The following HABP2 variants were observed in gnomAD, a reference collection of about 807,000 sequenced individuals.
HABP2 encodes the protein factor VII-activating protease.
In HABP2, 65 loss-of-function variants were observed where a neutral mutation model predicts 66.5. The observed-to-expected ratio is 0.98, with a 90% confidence interval of 0.80 to 1.20. The LOEUF is 1.20. Among genes scored for constraint, HABP2 ranks in the 50% most tolerant of loss-of-function variants. The pLI is 0.00. For missense variants in HABP2, 786 were observed against 691.0 expected, an observed-to-expected ratio of 1.14 and a Z score of -1.54; for synonymous variants, 263 against 253.9, an observed-to-expected ratio of 1.04 and a Z score of -0.34.
At chr10:113,571,311 G>A (rs1471339201) in intron 2 of HABP2, among the ~76,000 whole-genome samples, 2 of 152,180 alleles carry the variant, frequency 1.3e-5, no homozygotes, top group South Asian at 2.1e-4. Flanking sequence ...TATGTCTGAG[G>A]CCTCAGCTAG....
In HABP2 at chr10:113,553,138, C is replaced by G. The variant is rs1229064532; in HGVS notation, c.17C>G (p.Ser6Cys). ...ACTGCAAAGATGTTTGCCAGGATGT[C>G]TGATCTCCATGTTCTGCTGTTAATG... MFARM[S>C]DLHVLLLMAL... The change falls in exon 1 of 13, where the codon TCT (serine) becomes TGT (cysteine). Residue 6 changes from serine to cysteine, a missense_variant. Coordinates refer to ENST00000351270, the MANE Select transcript of HABP2 (RefSeq NM_004132.5). 1.2e-6 allele frequency: 2 copies of G among 1,613,400 alleles called. No individual in the cohort carries two copies. Among genetic ancestry groups the G allele is most frequent in the Non-Finnish European group, 1.7e-6 (2 of 1,179,444 alleles).
chr10:113,577,580 A>C (rs976525304), intron 5 of HABP2, among the ~76,000 whole-genome samples: 1 of 152,214 alleles, frequency 6.6e-6, no homozygotes, highest in Non-Finnish European at 1.5e-5. Flanking sequence ...TGAGGCAGGC[A>C]TTGTCTCAGG....
chr10:113,577,753 T>C (rs902004134), intron 5 of HABP2, among the ~76,000 whole-genome samples: 2 of 152,208 alleles, frequency 1.3e-5, no homozygotes, highest in Non-Finnish European at 2.9e-5. Flanking sequence ...TCCTGCTCCG[T>C]CCATGCTTCT....
At chr10:113,585,558 G>C (rs1845617733) in intron 11 of HABP2, among the ~76,000 whole-genome samples, 2 of 152,264 alleles carry the variant, frequency 1.3e-5, no homozygotes, top group Middle Eastern at 3.4e-3. Context: ...CCTACCTGGG[G>C]AAAGAGAGGA....
chr10:113,560,781 T>C (rs1845085877), intron 1 of HABP2, among the ~76,000 whole-genome samples: 2 of 152,192 alleles, frequency 1.3e-5, no homozygotes, highest in South Asian at 4.1e-4. Context: ...GGACAAATAT[T>C]GTAGGATTCC....
intron 1 of HABP2, among the ~76,000 whole-genome samples, chr10:113,554,935 T>C (rs960647869): frequency 1.3e-5 from 2 of 152,210 alleles, no homozygotes; most frequent in Admixed American, 1.3e-4. Flanking sequence ...TTACCCCAGA[T>C]GTGTGCCAGA....
rs578222032 is a variant in HABP2, at chr10:113,560,228, C to T, written c.69+7038C>T. Among the ~76,000 whole-genome samples, 9 of 152,358 alleles carry T rather than the reference C, an allele frequency of 5.9e-5. No homozygotes were observed. The South Asian group carries it at 1.2e-3, about 21-fold the overall frequency. ...TGCAGTGAACCTGCCAGTCTTGAGA[C>T]GGCATTGAGCAATGTGTGCAAAAGC... On this transcript the variant is annotated intron_variant, in intron 1 of 12. Transcript: ENST00000351270.
intron 7 of HABP2, 22 bp downstream of exon 7, chr10:113,578,820 C>T (rs373779606): frequency 4.2e-5 from 65 of 1,538,498 alleles, no homozygotes; most frequent in Non-Finnish European, 5.7e-5. Context: ...CTTATTTATG[C>T]TCAGTTGATT....
chr10:113,573,677 C>T (rs1041471418), intron 2 of HABP2, among the ~76,000 whole-genome samples: 1 of 152,198 alleles, frequency 6.6e-6, no homozygotes, highest in East Asian at 1.9e-4. Flanking sequence ...TTAGATGGTG[C>T]ATGTAAAGTG....
intron 1 of HABP2, among the ~76,000 whole-genome samples, chr10:113,556,506 G>A (rs1192654185): frequency 6.6e-6 from 1 of 152,084 alleles, no homozygotes; most frequent in African/African-American, 2.4e-5. Flanking sequence ...CTTGAGGCCA[G>A]GAGTTTGAGA....
rs1845444347 is a variant in HABP2 at position 113,578,026 on chromosome 10, T to A, written c.449T>A (p.Val150Glu). Residue 150 changes from valine to glutamate, a missense_variant and splice_region_variant, in exon 6 of 13, where the codon GTG becomes GAG. Coordinates refer to ENST00000351270, the MANE Select transcript of HABP2 (RefSeq NM_004132.5). ...HPYTGPSCSQ[V>E]VPVCRPNPCQ... ...CCTGGCCCCATTCCTGTGTTCACAG[T>A]GGTTCCTGTATGCAGGCCAAACCCC... is the stretch of plus-strand genomic sequence containing the variant. The A allele has an allele frequency of 6.2e-7, 1 of 1,613,986 alleles. No individual in the cohort carries two copies. The highest frequency in any genetic ancestry group is 2.2e-5 in the East Asian group (1 of 44,890).
At position 113,553,102 on chromosome 10, in the gene HABP2, CA is replaced by C; in HGVS notation, c.-18del. ...AAGAAATTTTATTGAGAGGAAAACA[CA>C]AGTCCTTAAACTGCAAAGATGTTTG... On this transcript the variant is annotated 5_prime_UTR_variant, in exon 1 of 13. Coordinates refer to ENST00000351270, the MANE Select transcript of HABP2 (RefSeq NM_004132.5). The C allele has an allele frequency of 6.2e-7, 1 of 1,602,074 alleles. No individual in the cohort carries two copies. The highest frequency in any genetic ancestry group is 1.1e-5 in the South Asian group (1 of 90,776).
At chr10:113,581,320 AT>A (rs1031265080) in intron 8 of HABP2, among the ~76,000 whole-genome samples, 4 of 152,250 alleles carry the variant, frequency 2.6e-5, no homozygotes, top group African/African-American at 9.6e-5. Context: ...GTAAAATGTT[AT>A]CTCTGCCTCC....
chr10:113,555,071 G>A (rs1430716082), intron 1 of HABP2, among the ~76,000 whole-genome samples: 2 of 152,218 alleles, frequency 1.3e-5, no homozygotes, highest in Admixed American at 1.3e-4. Context: ...CACATAGCCA[G>A]CTGGGCTGGG....
chr10:113,577,159 C>A lies in HABP2; in HGVS notation c.341C>A (p.Thr114Lys), dbSNP rs770575545. The change falls in exon 5 of 13, where the codon ACG (threonine) becomes AAG (lysine). Residue 114 changes from threonine (T) to lysine (K), a missense_variant. Thr to Lys is a moderately conservative substitution (Grantham distance 78, BLOSUM62 -1). Transcript: ENST00000351270. ...SGNKCQKVQNTCKDNPCGRGQ... is the reference protein window; with the variant it reads ...SGNKCQKVQNKCKDNPCGRGQ... ...TATGGATCTCCTACAGTGCAAAATA[C>A]GTGCAAGGACAACCCATGTGGCCGG... is the stretch of plus-strand genomic sequence containing the variant. The A allele has an allele frequency of 1.9e-6, 3 of 1,594,634 alleles. No individual in the cohort carries two copies. Among genetic ancestry groups the A allele is most frequent in the African/African-American group, 1.3e-5 (1 of 74,488 alleles).
At chr10:113,570,915 G>A (rs778053467) in intron 2 of HABP2, among the ~76,000 whole-genome samples, 11 of 152,162 alleles carry the variant, frequency 7.2e-5, no homozygotes, top group Non-Finnish European at 1.2e-4. Context: ...TCAAGTTGGA[G>A]GAAACAAATA....
At chr10:113,586,694 G>A (rs1029380645) in intron 12 of HABP2, among the ~76,000 whole-genome samples, 1 of 152,070 alleles carries the variant, frequency 6.6e-6, no homozygotes, top group Non-Finnish European at 1.5e-5. Context: ...ATCACACAGG[G>A]TCCTTTCTAG....
At chr10:113,572,830 G>A (rs1015594252) in intron 2 of HABP2, 2 of 264,894 alleles carry the variant, frequency 7.6e-6, no homozygotes, top group Non-Finnish European at 1.6e-5. Flanking sequence ...TGATAAATGA[G>A]GTGAAACTTT....
chr10:113,574,605 C>T (rs1022265703), intron 3 of HABP2, among the ~76,000 whole-genome samples, 200 bp downstream of exon 3: 1 of 152,200 alleles, frequency 6.6e-6, no homozygotes, highest in Admixed American at 6.5e-5. Context: ...AGACCATCTC[C>T]CCTACCCTCA....
Sources: allele counts gnomAD v4.1 joint callset (sites outside exome capture counted in the v4.1 genomes callset), GRCh38; gene constraint gnomAD v4.1.1; transcripts MANE v1.5; gene names NCBI Gene and HGNC (gene_info 2026-07-23, HGNC 2026-07-21).